Variants in TXNDC9 observed in about 807,000 individuals in gnomAD.
TXNDC9 encodes thioredoxin domain containing 9.
Under a neutral mutation model 23.0 loss-of-function variants are expected in TXNDC9, and 7 were observed. The ratio of observed to expected loss-of-function variants is 0.30; its 90% CI spans 0.17 to 0.57. The LOEUF (loss-of-function observed/expected upper bound fraction) is 0.57, where lower values mean the gene tolerates loss of function less well. TXNDC9 is among the 20% of genes least tolerant of loss of function. TXNDC9 has a pLI of 0.90. For synonymous variants in TXNDC9, 72 were observed against 90.6 expected (o/e 0.79, Z 1.17); for missense variants, 198 against 252.6 (o/e 0.78, Z 1.47).
At position 99,319,707 on chromosome 2, in the gene TXNDC9, T is replaced by C. The variant is rs762891172; in HGVS notation, c.656A>G (p.Tyr219Cys). ...LEKKTIRGKK[Y>C]DSDSDDD ...CTAATCATCATCAGAGTCTGAATCA[T>C]ATTTCTTTCCTCGGATAGTTTTCTT... The change falls in exon 5 of 5, where the codon TAT becomes TGT. Residue 219 changes from tyrosine (Y) to cysteine (C), a missense_variant. Tyr to Cys is a radical substitution (Grantham distance 194). Coordinates refer to ENST00000264255, the MANE Select transcript of TXNDC9 (RefSeq NM_005783.4). 1.2e-6 allele frequency: 2 copies of C among 1,601,344 alleles called. No individual in the cohort carries two copies. Among genetic ancestry groups the C allele is most frequent in the Non-Finnish European group, 8.5e-7 (1 of 1,176,204 alleles).
At chr2:99,336,076 C>G (rs542719781) in intron 1 of TXNDC9, among the ~76,000 whole-genome samples, 163 bp downstream of exon 1, 91 of 152,380 alleles carry the variant, frequency 6.0e-4, no homozygotes, top group African/African-American at 2.1e-3. Context: ...TCCCGGTGGC[C>G]CCAACTTCGA....
chr2:99,326,811 G>A (rs1304054425), intron 3 of TXNDC9, among the ~76,000 whole-genome samples: 7 of 152,168 alleles, frequency 4.6e-5, no homozygotes, highest in South Asian at 2.1e-4. Flanking sequence ...TTCCTTCAAG[G>A]AGGAACTGAA....
At chr2:99,307,628 C>T in the TXNDC9 span, 2 of 114,066 alleles carry the variant, frequency 1.8e-5, 1 homozygote, top group Admixed American at 2.0e-4. Flanking sequence ...AAAGAAAACC[C>T]AAGTTTGAAA....
At chr2:99,325,995 T>C (rs918938821) in intron 3 of TXNDC9, among the ~76,000 whole-genome samples, 14 of 151,090 alleles carry the variant, frequency 9.3e-5, no homozygotes, top group African/African-American at 2.9e-4. Flanking sequence ...TGGGTGACAG[T>C]GTAAGACTCT....
chr2:99,324,143 G>A (rs1228403872), intron 3 of TXNDC9, among the ~76,000 whole-genome samples: 1 of 152,160 alleles, frequency 6.6e-6, no homozygotes, highest in South Asian at 2.1e-4. Flanking sequence ...ACCACACCCA[G>A]CCTGCCGTCA....
downstream of TXNDC9, among the ~76,000 whole-genome samples, chr2:99,314,247 A>G (rs543639168): frequency 1.3e-5 from 2 of 152,126 alleles, no homozygotes; most frequent in African/African-American, 2.4e-5. Context: ...ATGAATCTAC[A>G]CTGTCCTTCC....
At chr2:99,324,314 G>A (rs1227428155) in intron 3 of TXNDC9, among the ~76,000 whole-genome samples, 1 of 152,150 alleles carries the variant, frequency 6.6e-6, no homozygotes, top group Non-Finnish European at 1.5e-5. Context: ...TGCACTTGAT[G>A]TAGTTTTTCC....
chr2:99,306,888 C>T, the TXNDC9 span: 1 of 410,708 alleles, frequency 2.4e-6, no homozygotes, highest in Admixed American at 2.6e-5. Context: ...TTATAAAGAC[C>T]ACGTAGCCCA....
At chr2:99,323,456 C>A (rs1354543275) in intron 3 of TXNDC9, among the ~76,000 whole-genome samples, 1 of 152,100 alleles carries the variant, frequency 6.6e-6, no homozygotes, top group Non-Finnish European at 1.5e-5. Context: ...TATTTTCTGG[C>A]CTGATGCAGT....
chr2:99,326,370 A>T (rs887321182), intron 3 of TXNDC9, among the ~76,000 whole-genome samples: 1 of 152,214 alleles, frequency 6.6e-6, no homozygotes, highest in Non-Finnish European at 1.5e-5. Context: ...TGAGAAAGAG[A>T]GCAGGGCTGA....
chr2:99,331,068 T>A (rs931787219), intron 2 of TXNDC9, among the ~76,000 whole-genome samples: 3 of 152,220 alleles, frequency 2.0e-5, no homozygotes, highest in East Asian at 1.9e-4. Context: ...TTTAAGACAT[T>A]ATTTAACGTA....
intron 2 of TXNDC9, chr2:99,332,781 G>C (rs913273040): frequency 1.2e-5 from 5 of 426,270 alleles, no homozygotes; most frequent in Non-Finnish European, 2.1e-5. Context: ...TCCAAGCTCA[G>C]AAAAACGATC....
the TXNDC9 span, among the ~76,000 whole-genome samples, chr2:99,310,588 G>T: frequency 2.6e-5 from 4 of 152,262 alleles, no homozygotes; most frequent in African/African-American, 9.6e-5. Flanking sequence ...CCAGTTAGTA[G>T]ATGGAATTAA....
chr2:99,324,088 C>T (rs2094208408), intron 3 of TXNDC9, among the ~76,000 whole-genome samples: 1 of 152,108 alleles, frequency 6.6e-6, no homozygotes, highest in Non-Finnish European at 1.5e-5. Flanking sequence ...TCAAGCAATC[C>T]ACCTGCCTCA....
At chr2:99,332,898 G>T (rs920098479) in intron 2 of TXNDC9, 124 bp downstream of exon 2, 14 of 793,602 alleles carry the variant, frequency 1.8e-5, no homozygotes, top group Non-Finnish European at 2.6e-5. Context: ...AACAGTAATA[G>T]GTATTCTGAA....
downstream of TXNDC9, among the ~76,000 whole-genome samples, chr2:99,315,803 A>G (rs1264128574): frequency 6.6e-6 from 1 of 152,192 alleles, no homozygotes; most frequent in Non-Finnish European, 1.5e-5. Context: ...TGACTACAAA[A>G]CACAAGGGTT....
At chr2:99,328,015 C>T (rs1260810923) in intron 2 of TXNDC9, among the ~76,000 whole-genome samples, 2 of 151,946 alleles carry the variant, frequency 1.3e-5, no homozygotes, top group Non-Finnish European at 2.9e-5. Context: ...GATCTCTTGA[C>T]CTTGTGATCC....
At chr2:99,307,117 TC>T in the TXNDC9 span, among the ~76,000 whole-genome samples, 2 of 120,886 alleles carry the variant, frequency 1.7e-5, no homozygotes, top group African/African-American at 2.8e-5. Context: ...TCACTCTCTC[TC>T]TCTTTCTCTC....
At chr2:99,329,972 A>C (rs2094221046) in intron 2 of TXNDC9, among the ~76,000 whole-genome samples, 1 of 149,018 alleles carries the variant, frequency 6.7e-6, no homozygotes, top group African/African-American at 2.5e-5. Flanking sequence ...GTCTCAAAAA[A>C]AAAAGTATTT....
Sources: allele counts gnomAD v4.1 joint callset (sites outside exome capture counted in the v4.1 genomes callset), GRCh38; gene constraint gnomAD v4.1.1; transcripts MANE v1.5; gene names NCBI Gene and HGNC (gene_info 2026-07-23, HGNC 2026-07-21).